The following CEP128 variants were observed in gnomAD, a reference collection of about 807,000 sequenced individuals.
The protein encoded by CEP128 is centrosomal protein 128kDa.
CEP128 carries 132 observed loss-of-function variants against 156.7 expected under a neutral mutation model. The ratio of observed to expected loss-of-function variants is 0.84; its 90% CI spans 0.73 to 0.97. The LOEUF is 0.97. Among genes scored for constraint, CEP128 ranks in the 50% least tolerant of loss-of-function variants. The pLI is 0.00. For missense variants in CEP128, 1,252 were observed against 1,281.9 expected (o/e 0.98, Z 0.36); for synonymous variants, 469 against 448.9 (o/e 1.04, Z -0.57).
rs1324181200 is a variant in CEP128 at position 80,916,387 on chromosome 14, A to G, written c.147+14T>C. On this transcript the variant is annotated intron_variant, in intron 3 of 24. Transcript: ENST00000555265. ...TATTTAAATTCTATTAAATGCAACC[A>G]TTGTTAAACTAACCTGTAAAGTACT... is the stretch of plus-strand genomic sequence containing the variant. The G allele has an allele frequency of 1.9e-6, 3 of 1,602,964 alleles. No individual in the cohort carries two copies. The highest frequency in any genetic ancestry group is 1.7e-5 in the Admixed American group (1 of 58,212).
chr14:80,659,126 A>G (rs780781473), intron 19 of CEP128, among the ~76,000 whole-genome samples: 1 of 152,214 alleles, frequency 6.6e-6, no homozygotes, highest in Non-Finnish European at 1.5e-5. Flanking sequence ...CCATCAAGGA[A>G]GTGGCAAACC....
intron 19 of CEP128, among the ~76,000 whole-genome samples, chr14:80,604,710 T>G (rs1566806723): frequency 6.6e-6 from 1 of 152,096 alleles, no homozygotes; most frequent in Non-Finnish European, 1.5e-5. Flanking sequence ...TTTATTATAG[T>G]ATTTATTCTA....
chr14:80,703,555 G>A (rs985240219), intron 19 of CEP128, among the ~76,000 whole-genome samples: 1 of 151,738 alleles, frequency 6.6e-6, no homozygotes, highest in East Asian at 1.9e-4. Flanking sequence ...TTTCCTATCT[G>A]ATTTTCTTAT....
chr14:80,738,154 G>A (rs1427502217), intron 19 of CEP128, among the ~76,000 whole-genome samples: 1 of 152,186 alleles, frequency 6.6e-6, no homozygotes, highest in South Asian at 2.1e-4. Flanking sequence ...AGACGAATGA[G>A]TGACTGGATG....
chr14:80,552,445 G>A (rs1056404935), intron 21 of CEP128, among the ~76,000 whole-genome samples: 1 of 152,190 alleles, frequency 6.6e-6, no homozygotes, highest in Non-Finnish European at 1.5e-5. Context: ...AGAACATGCT[G>A]TAATTTACCA....
At chr14:80,903,960 C>T (rs1329195604) in intron 6 of CEP128, among the ~76,000 whole-genome samples, 4 of 152,122 alleles carry the variant, frequency 2.6e-5, no homozygotes, top group Admixed American at 2.0e-4. Context: ...AATAAGACTA[C>T]TATATGACCC....
At chr14:80,946,563 C>T (rs73344096), upstream of CEP128, among the ~76,000 whole-genome samples, 1 of 152,052 alleles carries the variant, frequency 6.6e-6, no homozygotes, top group African/African-American at 2.4e-5. Context: ...CATTAAATAC[C>T]TAGAGGAACT....
At chr14:80,889,723 C>T (rs1262934725) in intron 8 of CEP128, among the ~76,000 whole-genome samples, 2 of 152,130 alleles carry the variant, frequency 1.3e-5, no homozygotes, top group South Asian at 2.1e-4. Flanking sequence ...TGGGTAAAGA[C>T]TTCATGACTA....
intron 21 of CEP128, among the ~76,000 whole-genome samples, chr14:80,555,474 T>C (rs1270068731): frequency 6.6e-6 from 1 of 152,150 alleles, no homozygotes; most frequent in East Asian, 1.9e-4. Context: ...CAGCACTCTG[T>C]AGTGCCTATA....
At chr14:80,801,108 G>C (rs1883818215) in intron 13 of CEP128, among the ~76,000 whole-genome samples, 1 of 152,188 alleles carries the variant, frequency 6.6e-6, no homozygotes, top group African/African-American at 2.4e-5. Context: ...AATAAGGTCA[G>C]CTTGCTTATG....
chr14:80,838,551 C>T (rs1886200253), intron 10 of CEP128, among the ~76,000 whole-genome samples: 1 of 152,118 alleles, frequency 6.6e-6, no homozygotes, highest in Non-Finnish European at 1.5e-5. Flanking sequence ...GTCTCTCCTC[C>T]TCTGGCCTCC....
At chr14:80,715,693 G>C (rs994885429) in intron 19 of CEP128, among the ~76,000 whole-genome samples, 1 of 152,166 alleles carries the variant, frequency 6.6e-6, no homozygotes, top group Admixed American at 6.5e-5. Context: ...AGGAGTAAAA[G>C]TCATTAGAGA....
At chr14:80,595,879 T>G (rs909869906) in intron 19 of CEP128, among the ~76,000 whole-genome samples, 1 of 152,034 alleles carries the variant, frequency 6.6e-6, no homozygotes, top group Non-Finnish European at 1.5e-5. Flanking sequence ...ACTCCCCTTA[T>G]AAAACCATCG....
intron 23 of CEP128, among the ~76,000 whole-genome samples, chr14:80,511,888 T>C (rs966686722): frequency 2.6e-5 from 4 of 152,052 alleles, no homozygotes; most frequent in Non-Finnish European, 5.9e-5. Context: ...TCCATGTGTT[T>C]GTATAGTTTC....
At chr14:80,907,701 C>T (rs1883969040) in intron 4 of CEP128, among the ~76,000 whole-genome samples, 1 of 136,454 alleles carries the variant, frequency 7.3e-6, no homozygotes, top group Non-Finnish European at 1.6e-5. Context: ...ATCCACAAAA[C>T]ATACTATGAG....
intron 19 of CEP128, among the ~76,000 whole-genome samples, chr14:80,724,686 A>G (rs1031680611): frequency 6.6e-6 from 1 of 152,012 alleles, no homozygotes; most frequent in South Asian, 2.1e-4. Flanking sequence ...AGGACTTGCT[A>G]CTGATTTCTA....
In CEP128 at chr14:80,689,686, G is replaced by A. The variant is rs556208396; in HGVS notation, c.2806+53389C>T. 1.4e-4 allele frequency among the ~76,000 whole-genome samples: 22 copies of A among 152,220 alleles called. 1 individual carries two copies. The highest frequency in any genetic ancestry group is 4.8e-4 in the African/African-American group (20 of 41,546). On this transcript the variant is annotated intron_variant, in intron 19 of 24. Transcript: ENST00000555265. Reference sequence around the variant, plus strand: ...TGTTGTACTCTGTGTGTGTGTGTATGTGTATACATATATACATAGACGCAC... The same window carrying A: ...TGTTGTACTCTGTGTGTGTGTGTATATGTATACATATATACATAGACGCAC...
At chr14:80,674,945 A>G (rs1462716707) in intron 19 of CEP128, among the ~76,000 whole-genome samples, 1 of 152,120 alleles carries the variant, frequency 6.6e-6, no homozygotes, top group African/African-American at 2.4e-5. Flanking sequence ...CCTACTCTCT[A>G]TAGCACATTA....
intron 22 of CEP128, among the ~76,000 whole-genome samples, chr14:80,528,152 A>C (rs1319219363): frequency 1.3e-5 from 2 of 152,190 alleles, no homozygotes; most frequent in Non-Finnish European, 1.5e-5. Context: ...ACCTCTAAAA[A>C]ACTAGAGCCC....
Sources: allele counts gnomAD v4.1 joint callset (sites outside exome capture counted in the v4.1 genomes callset), GRCh38; gene constraint gnomAD v4.1.1; transcripts MANE v1.5; gene names NCBI Gene and HGNC (gene_info 2026-07-23, HGNC 2026-07-21).